The following MED12L variants were observed in gnomAD, a reference collection of about 807,000 sequenced individuals.
The protein encoded by MED12L is mediator of RNA polymerase II transcription subunit 12-like protein.
MED12L carries 60 observed loss-of-function variants against 281.3 expected under a neutral mutation model. The observed-to-expected ratio is 0.21, with a 90% CI of 0.17 to 0.26. The LOEUF (loss-of-function observed/expected upper bound fraction) is 0.26, where lower values mean the gene tolerates loss of function less well. Among genes scored for constraint, MED12L ranks in the 10% least tolerant of loss-of-function variants. The pLI is 1.00. For missense variants in MED12L, 2,146 were observed against 2,680.9 expected (o/e 0.80, Z 4.41); for synonymous variants, 974 against 987.2 (o/e 0.99, Z 0.25).
chr3:151,362,790 TATGAA>T (rs1346224544), intron 21 of MED12L, among the ~76,000 whole-genome samples: 7 of 152,164 alleles, frequency 4.6e-5, no homozygotes. Flanking sequence ...AGTGTGAAAA[TATGAA>T]ATGGGTTAGG....
At chr3:151,165,360 G>A in intron 9 of MED12L, 60 bp from the exon 10 acceptor site, 1 of 1,371,342 alleles carries the variant, frequency 7.3e-7, no homozygotes, top group South Asian at 1.2e-5. Flanking sequence ...AACCTGACAT[G>A]ATTTAGACAT....
Position 151,380,112 on chromosome 3 carries a change from GTAT to G in MED12L, c.4479_4481del (p.Ser1493_Met1494delinsArg). The stretch of plus-strand genomic sequence containing the variant: ...TGTTGTTATTATTACTTCCTTTGTA[GTAT>G]GTCTCTTTTGAGTCAACAACCCTTC... On this transcript the variant is annotated inframe_deletion and splice_region_variant, in exon 32 of 45. Coordinates refer to ENST00000687756, the MANE Select transcript of MED12L (RefSeq NM_001393769.1). 6.4e-7 allele frequency: 1 copy of G among 1,561,314 alleles called. No individual in the cohort carries two copies. The highest frequency in any genetic ancestry group is 2.0e-5 in the Admixed American group (1 of 51,054).
intron 22 of MED12L, 149 bp downstream of exon 22, chr3:151,365,355 T>G: frequency 1.6e-6 from 1 of 631,548 alleles, no homozygotes. Context: ...AATTTACCTC[T>G]GCACTATCTT....
chr3:151,332,860 C>T (rs1210523225), intron 16 of MED12L, among the ~76,000 whole-genome samples: 3 of 152,022 alleles, frequency 2.0e-5, no homozygotes, highest in Admixed American at 2.0e-4. Flanking sequence ...AAGCATGGTA[C>T]CGGATAGGTA....
At chr3:151,087,892 G>GT (rs146672788) in intron 2 of MED12L, among the ~76,000 whole-genome samples, 9,365 of 147,100 alleles carry the variant, frequency 0.064, 821 homozygotes, top group African/African-American at 0.2. Flanking sequence ...CCTTTTTTTT[G>GT]TTTTTTTTTT....
intron 11 of MED12L, among the ~76,000 whole-genome samples, chr3:151,176,068 G>C (rs750771960): frequency 6.6e-6 from 1 of 151,936 alleles, no homozygotes; most frequent in African/African-American, 2.4e-5. Context: ...ATTAAGTTTC[G>C]TTCAGCCCAC....
At chr3:151,418,936 A>T (rs988361657) in intron 43 of MED12L, among the ~76,000 whole-genome samples, 1 of 152,214 alleles carries the variant, frequency 6.6e-6, no homozygotes, top group African/African-American at 2.4e-5. Flanking sequence ...CAAGCTTTCA[A>T]TGTGTAATGA....
intron 16 of MED12L, chr3:151,340,950 C>G (rs145478181): frequency 6.6e-6 from 1 of 152,096 alleles, no homozygotes; most frequent in East Asian, 1.9e-4. Flanking sequence ...TAAAATCTTG[C>G]GGCTTTTTAC....
At chr3:151,086,095 A>G (rs1719132593) in intron 1 of MED12L, among the ~76,000 whole-genome samples, 159 bp downstream of exon 1, 2 of 152,140 alleles carry the variant, frequency 1.3e-5, no homozygotes, top group Admixed American at 6.5e-5. Context: ...GGGACTGTAA[A>G]GGGTTAAGTC....
At chr3:151,329,437 T>C (rs1223489465) in intron 16 of MED12L, 3 of 1,287,022 alleles carry the variant, frequency 2.3e-6, no homozygotes, top group Non-Finnish European at 3.3e-6. Flanking sequence ...GCATATTCTT[T>C]TATATAAGCA....
chr3:151,229,482 T>C, intron 16 of MED12L, among the ~76,000 whole-genome samples: 1 of 142,988 alleles, frequency 7.0e-6, no homozygotes, highest in African/African-American at 2.6e-5. Context: ...AATTTTTTTT[T>C]TTTTTTTTTT....
At chr3:151,264,767 G>A (rs775799108) in intron 16 of MED12L, among the ~76,000 whole-genome samples, 25 of 152,070 alleles carry the variant, frequency 1.6e-4, no homozygotes, top group Non-Finnish European at 3.1e-4. Flanking sequence ...CACCCAGTGC[G>A]TGTGTGTGTA....
chr3:151,106,375 T>C (rs1019859325), intron 2 of MED12L, among the ~76,000 whole-genome samples: 3 of 127,424 alleles, frequency 2.4e-5, no homozygotes, highest in African/African-American at 8.5e-5. Flanking sequence ...GGTCTCGCCA[T>C]GTTGGGCAGG....
chr3:151,386,371 G>T (rs1031674843), intron 36 of MED12L, among the ~76,000 whole-genome samples: 34 of 152,102 alleles, frequency 2.2e-4, no homozygotes, highest in African/African-American at 7.5e-4. Context: ...TTGAACCTTG[G>T]TTTTATTTTG....
At chr3:151,167,801 T>C (rs912130995) in intron 11 of MED12L, among the ~76,000 whole-genome samples, 25 of 152,212 alleles carry the variant, frequency 1.6e-4, no homozygotes, top group African/African-American at 6.0e-4. Context: ...GTAAAGACTT[T>C]CTTAGATAAA....
At chr3:151,431,146 A>G (rs979811488) in intron 44 of MED12L, among the ~76,000 whole-genome samples, 1 of 152,150 alleles carries the variant, frequency 6.6e-6, no homozygotes, top group African/African-American at 2.4e-5. Context: ...GAAGACGTAA[A>G]TTTTGGTGTC....
intron 11 of MED12L, among the ~76,000 whole-genome samples, chr3:151,166,953 C>T (rs1720802443): frequency 1.3e-5 from 2 of 152,128 alleles, no homozygotes; most frequent in South Asian, 4.1e-4. Context: ...GGATTACAGG[C>T]CTGAGCCACC....
At chr3:151,381,978 G>C (rs1035755946) in intron 32 of MED12L, among the ~76,000 whole-genome samples, 1 of 152,060 alleles carries the variant, frequency 6.6e-6, no homozygotes, top group African/African-American at 2.4e-5. Flanking sequence ...GTGGTTTTTT[G>C]TTTTTGTTTT....
intron 36 of MED12L, 113 bp from the exon 37 acceptor site, chr3:151,387,697 C>T: frequency 7.6e-7 from 1 of 1,311,642 alleles, no homozygotes; most frequent in East Asian, 2.3e-5. Flanking sequence ...TTCTCGGGTT[C>T]TCTAGGGCTC....
Sources: gnomAD v4.1 joint callset for allele counts (sites outside exome capture counted in the v4.1 genomes callset) on GRCh38, gnomAD v4.1.1 for gene constraint, MANE v1.5 for transcripts, NCBI Gene and HGNC (gene_info 2026-07-23, HGNC 2026-07-21) for gene names.